Variants in SGMS1 observed in about 807,000 individuals in gnomAD.
SGMS1 encodes sphingomyelin synthase 1.
SGMS1 carries 13 observed loss-of-function variants against 46.2 expected under a neutral mutation model. The observed-to-expected ratio is 0.28, with a 90% CI of 0.18 to 0.45. The LOEUF is 0.45. Ranked by LOEUF, SGMS1 falls within the 20% of genes least tolerant of loss-of-function variation. The probability of loss-of-function intolerance (pLI) is 1.00; values close to 1 mark genes in which losing one functional copy is unlikely to be tolerated. For missense variants in SGMS1, 324 were observed against 519.9 expected (o/e 0.62, Z 3.66); for synonymous variants, 203 against 187.8 (o/e 1.08, Z -0.66).
chr10:50,408,431 T>TAAAAAAAAAAAAA (rs71029307), intron 6 of SGMS1, among the ~76,000 whole-genome samples: 49 of 95,184 alleles, frequency 5.1e-4, no homozygotes, highest in Non-Finnish European at 8.4e-4. Flanking sequence ...CCTCATCTCT[T>TAAAAAAAAAAAAA]AAAAAAAAAA....
chr10:50,487,752 TGA>T (rs1038628387), intron 3 of SGMS1, among the ~76,000 whole-genome samples: 1 of 152,006 alleles, frequency 6.6e-6, no homozygotes, highest in African/African-American at 2.4e-5. Flanking sequence ...TTCCATTTTT[TGA>T]GAGATGGCTA....
At position 50,593,745 on chromosome 10, in the gene SGMS1, T is replaced by C. The variant is rs147373407; in HGVS notation, c.-683-3498A>G. Among the ~76,000 whole-genome samples, 437 of 152,308 alleles carry C rather than the reference T, an allele frequency of 2.9e-3. 3 individuals carry two copies. Among genetic ancestry groups the C allele is most frequent in the African/African-American group, 0.01 (419 of 41,562 alleles). ...GCTCTTCTAGACTTGCCTCTTAAGA[T>C]TTTGAGATTCATCCCTGTTGACTCA... On this transcript the variant is annotated intron_variant, in intron 1 of 10. Transcript: ENST00000361781.
intron 4 of SGMS1, among the ~76,000 whole-genome samples, 172 bp downstream of exon 4, chr10:50,466,718 T>A (rs1837333138): frequency 6.6e-6 from 1 of 152,174 alleles, no homozygotes; most frequent in South Asian, 2.1e-4. Flanking sequence ...AATATGTACA[T>A]AACTAAATTA....
intron 6 of SGMS1, among the ~76,000 whole-genome samples, chr10:50,371,828 G>C (rs532920694): frequency 6.6e-6 from 1 of 152,114 alleles, no homozygotes; most frequent in Non-Finnish European, 1.5e-5. Flanking sequence ...GTCATCCCAT[G>C]GTGGAAGGCA....
At chr10:50,532,851 C>T (rs1483786557) in intron 2 of SGMS1, among the ~76,000 whole-genome samples, 5 of 152,186 alleles carry the variant, frequency 3.3e-5, no homozygotes, top group Non-Finnish European at 7.3e-5. Flanking sequence ...GCAGAATAGA[C>T]TGATAGCTGA....
At chr10:50,339,985 T>C (rs1302580851) in intron 7 of SGMS1, among the ~76,000 whole-genome samples, 2 of 152,008 alleles carry the variant, frequency 1.3e-5, no homozygotes, top group Non-Finnish European at 2.9e-5. Context: ...AAAGAAGAAA[T>C]GGATCTAAAA....
At chr10:50,488,750 C>A (rs1162968029) in intron 3 of SGMS1, among the ~76,000 whole-genome samples, 2 of 152,226 alleles carry the variant, frequency 1.3e-5, no homozygotes, top group African/African-American at 4.8e-5. Flanking sequence ...CTTCAATTAA[C>A]TTCTTTTTCC....
At chr10:50,376,521 G>A (rs1344687318) in intron 6 of SGMS1, among the ~76,000 whole-genome samples, 2 of 152,110 alleles carry the variant, frequency 1.3e-5, no homozygotes, top group African/African-American at 4.8e-5. Flanking sequence ...CCATGTTGGT[G>A]TGCTGCACCC....
chr10:50,556,068 G>A lies in SGMS1; in HGVS notation c.-589+34085C>T, dbSNP rs376496872. The stretch of plus-strand genomic sequence containing the variant: ...ACCACACCTACCCACCCTGTCTCTT[G>A]ACTGTTTCACTTCTCCAACCCTTTG... On this transcript the variant is annotated intron_variant, in intron 2 of 10. Transcript: ENST00000361781. Among the ~76,000 whole-genome samples, 29 of 152,202 alleles carry A rather than the reference G, an allele frequency of 1.9e-4. No homozygotes were observed. The East Asian group carries it at 2.5e-3, about 13-fold the overall frequency.
intron 3 of SGMS1, among the ~76,000 whole-genome samples, chr10:50,475,923 G>T (rs1837421830): frequency 1.3e-5 from 2 of 151,628 alleles, no homozygotes; most frequent in Non-Finnish European, 2.9e-5. Context: ...TCAGTCTCAG[G>T]TAGTTCTTTA....
chr10:50,588,701 A>C (rs1838509726), intron 2 of SGMS1, among the ~76,000 whole-genome samples: 1 of 151,402 alleles, frequency 6.6e-6, no homozygotes, highest in Non-Finnish European at 1.5e-5. Context: ...TGATCACATC[A>C]GAGCACAGAG....
intron 6 of SGMS1, among the ~76,000 whole-genome samples, chr10:50,420,326 C>A (rs1273390048): frequency 2.0e-5 from 3 of 152,148 alleles, no homozygotes; most frequent in Non-Finnish European, 4.4e-5. Context: ...CATATCTGGA[C>A]CATTTTTTCC....
chr10:50,311,196 C>T, intron 9 of SGMS1, 66 bp downstream of exon 9: 1 of 1,557,572 alleles, frequency 6.4e-7, no homozygotes, highest in Non-Finnish European at 8.7e-7. Context: ...ATGAGCTTTA[C>T]CAGAGGACCA....
intron 6 of SGMS1, among the ~76,000 whole-genome samples, chr10:50,404,197 C>T (rs531546885): frequency 1.3e-5 from 2 of 152,120 alleles, no homozygotes; most frequent in South Asian, 4.2e-4. Context: ...AGATCCTCAC[C>T]CAGAGGGAAA....
At chr10:50,334,680 CACACAATGAATATACATGTGCT>C (rs1165637151) in intron 7 of SGMS1, 2 of 152,192 alleles carry the variant, frequency 1.3e-5, no homozygotes, top group Admixed American at 1.3e-4. Flanking sequence ...TATTAAAATT[CACACAATGAATATACATGTGCT>C]ATTCTAAACA....
intron 5 of SGMS1, among the ~76,000 whole-genome samples, chr10:50,456,878 A>G (rs1244552804): frequency 6.6e-6 from 1 of 152,192 alleles, no homozygotes; most frequent in Non-Finnish European, 1.5e-5. Flanking sequence ...TTCCCAGTCA[A>G]AAGAGAATTT....
At chr10:50,575,327 G>A (rs978413064) in intron 2 of SGMS1, among the ~76,000 whole-genome samples, 24 of 152,114 alleles carry the variant, frequency 1.6e-4, no homozygotes, top group African/African-American at 5.3e-4. Flanking sequence ...GCTATGGTGG[G>A]TGGATCACAT....
intron 3 of SGMS1, among the ~76,000 whole-genome samples, chr10:50,475,076 T>C (rs1588845752): frequency 6.6e-6 from 1 of 152,274 alleles, no homozygotes; most frequent in East Asian, 1.9e-4. Flanking sequence ...CCTGGGTATG[T>C]TTCCAGAATA....
intron 6 of SGMS1, among the ~76,000 whole-genome samples, chr10:50,381,092 T>C (rs1237521599): frequency 6.6e-6 from 1 of 151,144 alleles, no homozygotes; most frequent in Non-Finnish European, 1.5e-5. Context: ...GCCTCCCAAA[T>C]TGCTGAGATT....
Sources: gnomAD v4.1 joint callset for allele counts (sites outside exome capture counted in the v4.1 genomes callset) on GRCh38, gnomAD v4.1.1 for gene constraint, MANE v1.5 for transcripts, NCBI Gene and HGNC (gene_info 2026-07-23, HGNC 2026-07-21) for gene names.